DUS2: variants seen among roughly 807,000 people sequenced by gnomAD.
The protein encoded by DUS2 is tRNA-dihydrouridine(20) synthase [NAD(P)+]-like.
A neutral mutation model predicts 71.3 loss-of-function variants in DUS2; 52 were observed. That is an observed-to-expected ratio of 0.73 (90% CI 0.58 to 0.92). The LOEUF is 0.92. Among genes scored for constraint, DUS2 ranks in the 40% least tolerant of loss-of-function variants. The pLI is 0.00. For synonymous variants in DUS2, 204 were observed against 227.8 expected, an observed-to-expected ratio of 0.90 and a Z score of 0.94; for missense variants, 558 against 622.6, an observed-to-expected ratio of 0.90 and a Z score of 1.10.
chr16:68,057,247 TAGAG>T (rs1019191879), intron 7 of DUS2, among the ~76,000 whole-genome samples: 2 of 141,436 alleles, frequency 1.4e-5, no homozygotes, highest in Non-Finnish European at 3.0e-5. Flanking sequence ...TATATATATA[TAGAG>T]AGAGAGAGAG....
chr16:68,039,490 C>T (rs2033588712), intron 3 of DUS2, among the ~76,000 whole-genome samples: 1 of 151,988 alleles, frequency 6.6e-6, no homozygotes, highest in South Asian at 2.1e-4. Flanking sequence ...GCGATCTTGG[C>T]TCACTGCAAG....
At chr16:68,078,350 A>G in intron 15 of DUS2, 95 bp from the exon 16 acceptor site, 1 of 1,236,310 alleles carries the variant, frequency 8.1e-7, no homozygotes, top group Non-Finnish European at 1.2e-6. Context: ...TTAGGTTGGA[A>G]ACACTTCCTT....
intron 2 of DUS2, among the ~76,000 whole-genome samples, chr16:68,032,039 C>T (rs1428889708): frequency 2.6e-5 from 4 of 152,146 alleles, no homozygotes; most frequent in African/African-American, 9.7e-5. Flanking sequence ...GAGACCAGCC[C>T]TTAAAAGGAA....
chr16:68,073,469 G>T (rs1039778990), intron 12 of DUS2, among the ~76,000 whole-genome samples: 1 of 134,404 alleles, frequency 7.4e-6, no homozygotes, highest in Non-Finnish European at 1.6e-5. Flanking sequence ...TTTTTTTTGA[G>T]ACAGAGTTTT....
chr16:68,067,062 C>A (rs1242635980), intron 10 of DUS2, among the ~76,000 whole-genome samples: 2 of 97,646 alleles, frequency 2.0e-5, no homozygotes, highest in African/African-American at 9.5e-5. Context: ...CTCCCTCCCT[C>A]CCTTCCTTCC....
chr16:68,051,476 A>C (rs2033778064), intron 4 of DUS2, among the ~76,000 whole-genome samples: 1 of 152,034 alleles, frequency 6.6e-6, no homozygotes, highest in Non-Finnish European at 1.5e-5. Flanking sequence ...CTGCAGCCTC[A>C]AACTCCTGGG....
chr16:68,030,376 T>TTTGGGAGGC (rs936509299), intron 2 of DUS2, among the ~76,000 whole-genome samples: 11 of 151,954 alleles, frequency 7.2e-5, no homozygotes, highest in African/African-American at 2.7e-4. Flanking sequence ...GGTGGATCAC[T>TTTGGGAGGC]TGAGGTCAGG....
At chr16:68,064,899 C>T (rs1186999098) in intron 8 of DUS2, among the ~76,000 whole-genome samples, 1 of 152,228 alleles carries the variant, frequency 6.6e-6, no homozygotes, top group Non-Finnish European at 1.5e-5. Context: ...CTGCTGCCCC[C>T]GCCTGTCTAG....
intron 1 of DUS2, among the ~76,000 whole-genome samples, chr16:68,024,783 G>C (rs1304621103): frequency 6.6e-6 from 1 of 151,630 alleles, no homozygotes; most frequent in African/African-American, 2.4e-5. Flanking sequence ...TCTAAAACAA[G>C]GGTGATTTTG....
chr16:68,025,211 C>G (rs573626697), intron 1 of DUS2, among the ~76,000 whole-genome samples: 192 of 152,110 alleles, frequency 1.3e-3, no homozygotes, highest in Non-Finnish European at 2.2e-3. Context: ...AGGCTCATGC[C>G]TGTAATCCCA....
Position 68,078,479 on chromosome 16 carries a change from T to C in DUS2, c.1205T>C (p.Ile402Thr), listed in dbSNP as rs144122445. 4.3e-6 allele frequency: 7 copies of C among 1,614,056 alleles called. No individual in the cohort carries two copies. In the East Asian group the frequency reaches 6.7e-5, roughly 15 times the overall value. ...CCTCTAGATCGCCTGTTCTCCTCTA[T>C]TGTCACCGTTGCTGAACAAAAGTAT... ...QRPLDRLFSS[I>T]VTVAEQKYQS... The change falls in exon 16 of 17, where the codon ATT becomes ACT. Residue 402 changes from isoleucine (I) to threonine (T), a missense_variant. Transcript: ENST00000565263.
At chr16:68,054,523 C>G in intron 5 of DUS2, 51 bp from the exon 6 acceptor site, 1 of 1,602,510 alleles carries the variant, frequency 6.2e-7, no homozygotes, top group Non-Finnish European at 8.5e-7. Flanking sequence ...TTTGTCAGTG[C>G]ATGTGTATCT....
At chr16:68,059,374 A>G (rs1197106440) in intron 7 of DUS2, among the ~76,000 whole-genome samples, 2 of 152,222 alleles carry the variant, frequency 1.3e-5, no homozygotes, top group African/African-American at 4.8e-5. Flanking sequence ...AGGAAATTCC[A>G]TTGTTGAGAA....
rs192555044 is a variant in DUS2 at position 68,049,468 on chromosome 16, G to T, written c.127-37G>T. The T allele has an allele frequency of 1.4e-4, 227 of 1,611,838 alleles. No homozygotes were observed. The East Asian group carries it at 4.9e-3, about 35-fold the overall frequency. ...AATCCTTCATGCCCAGAGCCTACAT[G>T]TTCAGGAATGACAAGCGTCCTCTGA... is the stretch of plus-strand genomic sequence containing the variant. On this transcript the variant is annotated intron_variant, in intron 3 of 16. Transcript: ENST00000565263.
At chr16:68,029,838 C>T (rs747160841) in intron 2 of DUS2, among the ~76,000 whole-genome samples, 3 of 151,642 alleles carry the variant, frequency 2.0e-5, no homozygotes, top group Non-Finnish European at 4.4e-5. Context: ...TGCAGTGGCT[C>T]ACGCCTGTAA....
At chr16:68,041,062 CT>C (rs1347336070) in intron 3 of DUS2, among the ~76,000 whole-genome samples, 2 of 152,128 alleles carry the variant, frequency 1.3e-5, no homozygotes, top group African/African-American at 2.4e-5. Context: ...GAAACCCCAT[CT>C]CTACAAAAAT....
At position 68,078,445 on chromosome 16, in the gene DUS2, G is replaced by T. The variant is rs1189423551; in HGVS notation, c.1171G>T (p.Val391Phe). ...EKLAQPVYET[V>F]QRPLDRLFSS... ...GTGATTCCTTTTCTCTTTGTATCAG[G>T]TTCAACGCCCTCTAGATCGCCTGTT... Residue 391 changes from valine to phenylalanine, a missense_variant and splice_region_variant, in exon 16 of 17, where the codon GTT becomes TTT. By Grantham distance (50) the Val-to-Phe change is conservative (BLOSUM62 -1). Transcript: ENST00000565263. 2 of 1,614,076 alleles carry T rather than the reference G, an allele frequency of 1.2e-6. No homozygotes were observed. The highest frequency in any genetic ancestry group is 2.2e-5 in the East Asian group (1 of 44,884).
intron 2 of DUS2, among the ~76,000 whole-genome samples, chr16:68,030,864 G>A (rs1330691958): frequency 6.6e-6 from 1 of 151,848 alleles, no homozygotes; most frequent in Non-Finnish European, 1.5e-5. Flanking sequence ...TCCCAGAGTG[G>A]CTGGGACTGC....
intron 2 of DUS2, among the ~76,000 whole-genome samples, chr16:68,029,902 T>C (rs1268320564): frequency 6.6e-6 from 1 of 150,972 alleles, no homozygotes; most frequent in Admixed American, 6.6e-5. Context: ...CACAGGTGTG[T>C]ACCACCATGC....
Sources: allele counts gnomAD v4.1 joint callset (sites outside exome capture counted in the v4.1 genomes callset), GRCh38; gene constraint gnomAD v4.1.1; transcripts MANE v1.5; gene names NCBI Gene and HGNC (gene_info 2026-07-23, HGNC 2026-07-21).